The following ATP11C variants were observed in gnomAD, a reference collection of about 807,000 sequenced individuals.
The protein encoded by ATP11C is ATPase phospholipid transporting 11C (ATP11C blood group).
Under a neutral mutation model 97.4 loss-of-function variants are expected in ATP11C, and 36 were observed. The ratio of observed to expected loss-of-function variants is 0.37; its 90% CI spans 0.28 to 0.49. The LOEUF is 0.49. Among genes scored for constraint, ATP11C ranks in the 20% least tolerant of loss-of-function variants. The pLI is 0.98. For synonymous variants in ATP11C, 275 were observed against 290.9 expected, an observed-to-expected ratio of 0.95 and a Z score of 0.56; for missense variants, 730 against 824.6, an observed-to-expected ratio of 0.89 and a Z score of 1.40.
At position 139,772,672 on chromosome X, in the gene ATP11C, T is replaced by C. The variant is rs761264764; in HGVS notation, c.2216+2018A>G. On this transcript the variant is annotated intron_variant, in intron 19 of 29. Transcript: ENST00000682941. ...GTAGATCATTTTGGAGCTTTAATAATTGACTGCCCTGCTGGATTTCAGACT... is the reference window on the plus strand; with the variant it reads ...GTAGATCATTTTGGAGCTTTAATAACTGACTGCCCTGCTGGATTTCAGACT... Among the ~76,000 whole-genome samples the C allele has an allele frequency of 3.6e-5, 4 of 112,030 alleles. No individual in the cohort carries two copies. In the South Asian group the frequency reaches 1.1e-3, roughly 31 times the overall value.
intron 1 of ATP11C, among the ~76,000 whole-genome samples, chrX:139,930,712 TAATC>T (rs927587879): frequency 1.8e-5 from 2 of 112,334 alleles, no homozygotes; most frequent in Non-Finnish European, 3.7e-5. Context: ...CCACAGGTAA[TAATC>T]TGTTCCAATT....
intron 5 of ATP11C, among the ~76,000 whole-genome samples, chrX:139,805,111 C>T (rs773244238): frequency 9.5e-4 from 106 of 111,327 alleles, no homozygotes; most frequent in Non-Finnish European, 1.9e-4. Flanking sequence ...TGATTTTTCC[C>T]AAAATATTTG....
chrX:139,890,745 C>A (rs2084714768), intron 1 of ATP11C, among the ~76,000 whole-genome samples: 1 of 112,085 alleles, frequency 8.9e-6, no homozygotes, highest in African/African-American at 3.2e-5. Flanking sequence ...AGTTTACAAT[C>A]TTGTGGTGGG....
At chrX:139,896,203 A>C (rs1246797357) in intron 1 of ATP11C, among the ~76,000 whole-genome samples, 4 of 111,395 alleles carry the variant, frequency 3.6e-5, no homozygotes, top group African/African-American at 1.3e-4. Context: ...AACATCATCA[A>C]TGATAAGCCT....
At chrX:139,737,052 G>A (rs778278525) in intron 28 of ATP11C, among the ~76,000 whole-genome samples, 2 of 110,141 alleles carry the variant, frequency 1.8e-5, no homozygotes, top group Non-Finnish European at 3.8e-5. Flanking sequence ...TCATAGCTTA[G>A]AATATTACCT....
At chrX:139,732,291 G>C (rs2081360967) in intron 28 of ATP11C, 2 of 208,666 alleles carry the variant, frequency 9.6e-6, no homozygotes, top group Admixed American at 1.2e-4. Flanking sequence ...GTGAACACAT[G>C]ATTAAAAGAA....
chrX:139,836,178 T>C (rs765202180), intron 1 of ATP11C, among the ~76,000 whole-genome samples: 1 of 109,437 alleles, frequency 9.1e-6, no homozygotes, highest in South Asian at 4.0e-4. Context: ...AAGAGTAACT[T>C]ACAAACTAAT....
chrX:139,776,211 C>A (rs780273277), intron 18 of ATP11C, among the ~76,000 whole-genome samples: 5 of 112,371 alleles, frequency 4.4e-5, no homozygotes, highest in Non-Finnish European at 7.5e-5. Context: ...GATGGTAGCG[C>A]ATATGTACCT....
intron 19 of ATP11C, among the ~76,000 whole-genome samples, chrX:139,773,300 G>A (rs2082289981): frequency 1.8e-5 from 2 of 111,129 alleles, no homozygotes; most frequent in African/African-American, 6.6e-5. Flanking sequence ...TTTATCAGCA[G>A]TGTAAAAACA....
At position 139,743,599 on chromosome X, in the gene ATP11C, G is replaced by A; in HGVS notation, c.2990C>T (p.Thr997Ile). The change falls in exon 26 of 30, where the codon ACC becomes ATC. Residue 997 changes from threonine (T) to isoleucine (I), a missense_variant. By Grantham distance (89) the Thr-to-Ile change is moderately conservative. Coordinates refer to ENST00000682941, the MANE Select transcript of ATP11C (RefSeq NM_001353812.2). ...GAATACTAAGACTGTAAAAACAATG[G>A]TTCCAAAAGTCCAGTTTCCGTATAC... ...GKVYGNWTFG[T>I]IVFTVLVFTV... 1 of 1,169,338 alleles carries A rather than the reference G, an allele frequency of 8.6e-7. No individual in the cohort carries two copies. Among genetic ancestry groups the A allele is most frequent in the Non-Finnish European group, 1.2e-6 (1 of 866,949 alleles).
chrX:139,743,501 G>A (rs2081615385), intron 26 of ATP11C, 58 bp downstream of exon 26: 9 of 796,798 alleles, frequency 1.1e-5, no homozygotes, highest in Non-Finnish European at 9.0e-6. Context: ...ATTAGGATAA[G>A]ACAAGAAAGT....
At chrX:139,923,967 T>TC (rs1451584512) in intron 1 of ATP11C, among the ~76,000 whole-genome samples, 1 of 111,787 alleles carries the variant, frequency 8.9e-6, no homozygotes, top group Non-Finnish European at 1.9e-5. Flanking sequence ...ATTTTTTTTT[T>TC]CCTATATAGT....
At chrX:139,734,199 A>AT (rs1452112956) in intron 28 of ATP11C, among the ~76,000 whole-genome samples, 2 of 112,005 alleles carry the variant, frequency 1.8e-5, no homozygotes, top group Non-Finnish European at 3.8e-5. Flanking sequence ...TGTAAGAATC[A>AT]TAATAGTAAT....
intron 1 of ATP11C, chrX:139,909,880 G>A (rs191644243): frequency 9.0e-6 from 1 of 111,579 alleles, no homozygotes; most frequent in East Asian, 2.8e-4. Context: ...AGAGAAGTAG[G>A]AGTAAATATG....
chrX:139,836,685 T>C (rs1462258088), intron 1 of ATP11C, among the ~76,000 whole-genome samples: 2 of 111,799 alleles, frequency 1.8e-5, no homozygotes, highest in African/African-American at 6.5e-5. Flanking sequence ...GGTGCTAATT[T>C]TGGTACACTA....
chrX:139,896,560 C>T (rs1247430428), intron 1 of ATP11C, among the ~76,000 whole-genome samples: 1 of 102,605 alleles, frequency 9.7e-6, no homozygotes. Context: ...CACACACACA[C>T]ACACACACAC....
intron 1 of ATP11C, among the ~76,000 whole-genome samples, chrX:139,834,958 G>A (rs1258866687): frequency 8.9e-6 from 1 of 112,271 alleles, no homozygotes; most frequent in East Asian, 2.8e-4. Flanking sequence ...CTTCCCACAA[G>A]GAAAATCCAG....
intron 1 of ATP11C, among the ~76,000 whole-genome samples, chrX:139,902,612 C>T (rs2084915782): frequency 1.8e-5 from 2 of 111,970 alleles, no homozygotes; most frequent in East Asian, 5.6e-4. Flanking sequence ...GTTTTTAAAC[C>T]TTACGTCAAA....
intron 8 of ATP11C, among the ~76,000 whole-genome samples, chrX:139,799,755 A>G (rs753713495): frequency 2.3e-4 from 23 of 100,612 alleles, no homozygotes; most frequent in African/African-American, 8.6e-4. Context: ...CGGGTTCAAG[A>G]GATTCTCCTG....
Sources: allele counts gnomAD v4.1 joint callset (sites outside exome capture counted in the v4.1 genomes callset), GRCh38; gene constraint gnomAD v4.1.1; transcripts MANE v1.5; gene names NCBI Gene and HGNC (gene_info 2026-07-23, HGNC 2026-07-21).